The following ZNF469 variants were observed in gnomAD, a reference collection of about 807,000 sequenced individuals.
The protein encoded by ZNF469 is zinc finger protein 469.
Under a neutral mutation model 1.0 loss-of-function variants are expected in ZNF469, and 1 was observed. The ratio of observed to expected loss-of-function variants is 1.00; its 90% CI spans 0.35 to 4.73. ZNF469 has a LOEUF of 4.73. Among genes scored for constraint, ZNF469 ranks in the 30% most tolerant of loss-of-function variants. The probability of loss-of-function intolerance (pLI) is 0.16; values close to 1 mark genes in which losing one functional copy is unlikely to be tolerated. For synonymous variants in ZNF469, 2,703 were observed against 2,363.4 expected, an observed-to-expected ratio of 1.14 and a Z score of -4.17; for missense variants, 6,100 against 5,356.3, an observed-to-expected ratio of 1.14 and a Z score of -4.33.
At chr16:88,223,095 C>A in the ZNF469 span, among the ~76,000 whole-genome samples, 4 of 152,266 alleles carry the variant, frequency 2.6e-5, no homozygotes, top group South Asian at 8.3e-4. Context: ...TGGAAACAAC[C>A]CAGGTGTCCC....
Position 88,430,607 on chromosome 16 carries a change from G to C in ZNF469, c.3137G>C (p.Trp1046Ser), listed in dbSNP as rs1906090670. The change falls in exon 3 of 3, where the codon TGG (tryptophan) becomes TCG (serine). Residue 1046 changes from tryptophan to serine, a missense_variant. Transcript: ENST00000565624. ...AAGAGGAAGGCTCGGGGCGGCGCCT[G>C]GGGCAAGGAGCTCATTCTGAAGATC... Reference protein sequence around the residue: ...PRKRKARGGAWGKELILKIVQ... With the variant: ...PRKRKARGGASGKELILKIVQ... 2 of 1,500,900 alleles carry C rather than the reference G, an allele frequency of 1.3e-6. No individual in the cohort carries two copies. Among genetic ancestry groups the C allele is most frequent in the Non-Finnish European group, 1.8e-6 (2 of 1,130,652 alleles). 93.0% of individuals were successfully genotyped at this position (1,500,900 alleles called of 1,614,324 possible).
chr16:88,176,111 C>G, the ZNF469 span, among the ~76,000 whole-genome samples: 1 of 151,990 alleles, frequency 6.6e-6, no homozygotes, highest in Admixed American at 6.5e-5. Context: ...GCTGGGGGGT[C>G]TCAGCCTGAT....
chr16:88,124,544 AATC>A, the ZNF469 span, among the ~76,000 whole-genome samples: 2 of 151,076 alleles, frequency 1.3e-5, no homozygotes, highest in African/African-American at 4.9e-5. Flanking sequence ...TTAATTTCTT[AATC>A]ATGTGTTTGG....
rs76519811 is a variant in ZNF469, at chr16:88,412,559, G to A, written c.-191-12248G>A. 7.4e-3 allele frequency among the ~76,000 whole-genome samples: 1,132 copies of A among 152,324 alleles called. 11 individuals carry two copies. The highest frequency in any genetic ancestry group is 0.025 in the African/African-American group (1,052 of 41,566). On this transcript the variant is annotated intron_variant, in intron 1 of 2. Transcript: ENST00000565624. ...ACAGCAGCCCAGACCCAGCCATAGA[G>A]CCAGGGACCTTTGTTCTGTCCTAGA...
the ZNF469 span, among the ~76,000 whole-genome samples, chr16:88,295,501 G>A: frequency 3.3e-5 from 5 of 152,168 alleles, no homozygotes; most frequent in Non-Finnish European, 7.4e-5. Flanking sequence ...ATGTGGCAGG[G>A]CTCAGGGTCT....
the ZNF469 span, among the ~76,000 whole-genome samples, chr16:88,236,672 G>C: frequency 6.6e-6 from 1 of 152,166 alleles, no homozygotes; most frequent in Non-Finnish European, 1.5e-5. Context: ...TTCAAGACCA[G>C]CCTGGCCAAC....
the ZNF469 span, among the ~76,000 whole-genome samples, chr16:88,363,269 G>A: frequency 6.6e-6 from 1 of 152,164 alleles, no homozygotes; most frequent in Non-Finnish European, 1.5e-5. Flanking sequence ...TGTTGTTGTT[G>A]TTGTTTTTAC....
At chr16:88,400,197 T>C (rs1207395043) in intron 1 of ZNF469, among the ~76,000 whole-genome samples, 7 of 152,208 alleles carry the variant, frequency 4.6e-5, no homozygotes, top group Non-Finnish European at 7.4e-5. Context: ...GAGGCTGGCA[T>C]CTGGATCAGC....
chr16:88,434,717 G>C lies in ZNF469; in HGVS notation c.7247G>C (p.Ser2416Thr). 2 of 1,550,378 alleles carry C rather than the reference G, an allele frequency of 1.3e-6. No homozygotes were observed. Among genetic ancestry groups the C allele is most frequent in the Non-Finnish European group, 1.7e-6 (2 of 1,146,976 alleles). Reference protein sequence around the residue: ...GRTTAPSSTASDFQSDSPQSH... With the variant: ...GRTTAPSSTATDFQSDSPQSH... ...ACCACAGCCCCAAGCAGCACAGCCA[G>C]TGACTTCCAGTCTGACTCCCCCCAA... Residue 2416 changes from serine to threonine, a missense_variant, in exon 3 of 3, where the codon AGT (serine) becomes ACT (threonine). Coordinates refer to ENST00000565624, the MANE Select transcript of ZNF469 (RefSeq NM_001367624.2).
At chr16:88,129,987 G>C in the ZNF469 span, among the ~76,000 whole-genome samples, 1 of 152,240 alleles carries the variant, frequency 6.6e-6, no homozygotes, top group Non-Finnish European at 1.5e-5. Context: ...TTTCTTGCTT[G>C]TGATCAAGTC....
the ZNF469 span, among the ~76,000 whole-genome samples, chr16:88,240,949 G>T: frequency 6.6e-6 from 1 of 152,068 alleles, no homozygotes; most frequent in South Asian, 2.1e-4. Flanking sequence ...CACCCCAGGG[G>T]CTGGGCGGAA....
chr16:88,403,577 G>A (rs1904943564), intron 1 of ZNF469, among the ~76,000 whole-genome samples: 1 of 152,168 alleles, frequency 6.6e-6, no homozygotes, highest in South Asian at 2.1e-4. Context: ...GCCAGGGAGG[G>A]TGGGACCAGG....
the ZNF469 span, among the ~76,000 whole-genome samples, chr16:88,340,011 A>T: frequency 3.3e-5 from 5 of 152,148 alleles, no homozygotes; most frequent in South Asian, 1.0e-3. Context: ...TCTTCTGAGC[A>T]TGCAGGGGAC....
At chr16:88,200,413 G>A in the ZNF469 span, among the ~76,000 whole-genome samples, 7 of 152,230 alleles carry the variant, frequency 4.6e-5, no homozygotes, top group South Asian at 8.3e-4. Context: ...ATAGGGGACC[G>A]AGGAACCGCA....
chr16:88,282,425 C>G, the ZNF469 span, among the ~76,000 whole-genome samples: 1 of 152,152 alleles, frequency 6.6e-6, no homozygotes, highest in Non-Finnish European at 1.5e-5. Context: ...GCTGAGGTCA[C>G]TGTGAAACAA....
At chr16:88,117,659 C>T in the ZNF469 span, among the ~76,000 whole-genome samples, 34 of 69,900 alleles carry the variant, frequency 4.9e-4, no homozygotes, top group African/African-American at 1.9e-3. Flanking sequence ...CGTGTCTTCA[C>T]AAACCGTGGA....
chr16:88,227,239 C>T, the ZNF469 span, among the ~76,000 whole-genome samples: 6 of 152,334 alleles, frequency 3.9e-5, no homozygotes, highest in South Asian at 6.2e-4. Flanking sequence ...GGGCACCTGA[C>T]TAGTCTTGTT....
chr16:88,103,485 G>A, the ZNF469 span, among the ~76,000 whole-genome samples: 2 of 152,218 alleles, frequency 1.3e-5, no homozygotes, highest in Admixed American at 6.5e-5. Context: ...CCCGGTGCTG[G>A]GGCTCCTGGG....
the ZNF469 span, among the ~76,000 whole-genome samples, chr16:88,308,876 C>A: frequency 6.6e-6 from 1 of 152,302 alleles, no homozygotes; most frequent in Non-Finnish European, 1.5e-5. Flanking sequence ...AGTGGCCCAG[C>A]CTCTGCATCC....
Sources: gnomAD v4.1 joint callset for allele counts (sites outside exome capture counted in the v4.1 genomes callset) on GRCh38, gnomAD v4.1.1 for gene constraint, MANE v1.5 for transcripts, NCBI Gene and HGNC (gene_info 2026-07-23, HGNC 2026-07-21) for gene names.